Variants in ARHGEF33 observed in about 807,000 individuals in gnomAD.
ARHGEF33 encodes DH and coiled-coil domain-containing protein ENSP00000381780.
ARHGEF33 carries 72 observed loss-of-function variants against 101.9 expected under a neutral mutation model. The observed-to-expected ratio is 0.71, with a 90% CI of 0.58 to 0.86. The LOEUF is 0.86. ARHGEF33 is among the 40% of genes least tolerant of loss of function. ARHGEF33 has a pLI of 0.00. For missense variants in ARHGEF33, 1,169 were observed against 1,111.3 expected, an observed-to-expected ratio of 1.05 and a Z score of -0.74; for synonymous variants, 499 against 442.5, an observed-to-expected ratio of 1.13 and a Z score of -1.60.
In ARHGEF33 at chr2:38,960,255, C is replaced by G; in HGVS notation, c.1950C>G (p.Ser650=). 6.5e-7 allele frequency: 1 copy of G among 1,548,138 alleles called. No individual in the cohort carries two copies. The highest frequency in any genetic ancestry group is 8.7e-7 in the Non-Finnish European group (1 of 1,146,210). ...ACTGCTCGCCTGCCTCCTCCGAGTC[C>G]AGCCTGGACATCTGCTTCCTGCGGC... is the stretch of plus-strand genomic sequence containing the variant. ...FENCSPASSE[S]SLDICFLRPV... is the part of the protein sequence containing the mutation. Residue 650 remains serine, a synonymous_variant, in exon 16 of 18, where the codon TCC becomes TCG. Transcript: ENST00000409978.
chr2:38,937,131 A>T, intron 8 of ARHGEF33: 1 of 484,126 alleles, frequency 2.1e-6, no homozygotes, highest in South Asian at 2.3e-5. Flanking sequence ...AGTAGCTGGG[A>T]CTACAGGTGC....
intron 9 of ARHGEF33, among the ~76,000 whole-genome samples, chr2:38,938,371 C>T (rs922247766): frequency 1.3e-5 from 2 of 151,922 alleles, no homozygotes; most frequent in Non-Finnish European, 2.9e-5. Context: ...CCTGTCTCTA[C>T]AAAAAATAAA....
At position 38,907,861 on chromosome 2, in the gene ARHGEF33, T is replaced by TA. The variant is rs200865706; in HGVS notation, c.-85-11502_-85-11501insA. ...CTCTTGCACAGTGTCTCTGGGAGGATTTTTTTTTTTTTTTTTAGACAATGT... is the reference window on the plus strand; with the variant it reads ...CTCTTGCACAGTGTCTCTGGGAGGATATTTTTTTTTTTTTTTTAGACAATGT... On this transcript the variant is annotated intron_variant, in intron 2 of 17. Transcript: ENST00000409978. 3.6e-3 allele frequency among the ~76,000 whole-genome samples: 489 copies of TA among 134,894 alleles called. 14 individuals are homozygous for TA. In the East Asian group the frequency reaches 0.067, roughly 19 times the overall value. 88.5% of individuals were successfully genotyped at this position (134,894 alleles called of 152,430 possible).
intron 13 of ARHGEF33, among the ~76,000 whole-genome samples, chr2:38,956,090 A>T (rs541533027): frequency 6.6e-6 from 1 of 152,344 alleles, no homozygotes; most frequent in South Asian, 2.1e-4. Flanking sequence ...GTTTTACAAG[A>T]GAAAATGCAG....
At chr2:38,934,259 C>T (rs542342143) in intron 7 of ARHGEF33, among the ~76,000 whole-genome samples, 1 of 152,288 alleles carries the variant, frequency 6.6e-6, no homozygotes, top group East Asian at 1.9e-4. Flanking sequence ...TCTGGATGCT[C>T]CTTCTTAGAT....
intron 17 of ARHGEF33, among the ~76,000 whole-genome samples, chr2:38,970,565 A>G (rs567626029): frequency 1.3e-5 from 2 of 152,356 alleles, no homozygotes; most frequent in Non-Finnish European, 2.9e-5. Context: ...AACCTTAATT[A>G]CAAATGTTTC....
chr2:38,897,994 G>A (rs766773115), intron 2 of ARHGEF33, among the ~76,000 whole-genome samples: 1 of 152,292 alleles, frequency 6.6e-6, no homozygotes. Flanking sequence ...AGAGCACAAA[G>A]GGGTTGGTCC....
At chr2:38,922,659 A>G (rs748622159) in intron 4 of ARHGEF33, among the ~76,000 whole-genome samples, 1 of 152,220 alleles carries the variant, frequency 6.6e-6, no homozygotes, top group Non-Finnish European at 1.5e-5. Context: ...CAGATTAAAC[A>G]GATGAAACAG....
At chr2:38,943,780 A>C in intron 9 of ARHGEF33, 121 bp from the exon 10 acceptor site, 2 of 1,048,064 alleles carry the variant, frequency 1.9e-6, no homozygotes, top group Non-Finnish European at 2.7e-6. Flanking sequence ...CCTTTCAAAA[A>C]CTTGCAGATG....
rs1417517928 is a variant in ARHGEF33 at position 38,937,332 on chromosome 2, C to G, written c.566-3C>G. 3.2e-6 allele frequency: 2 copies of G among 628,792 alleles called. No homozygotes were observed. The highest frequency in any genetic ancestry group is 4.1e-5 in the African/African-American group (2 of 48,218). The allele number at this position is 628,792 out of a possible 1,614,324, so 39.0% of individuals were successfully genotyped here. A position where few individuals can be genotyped will look rare whatever the true frequency, so the allele number is the denominator to read the frequency against. ...TTCCCCGCCCCTCCCCCCACCCCACCAGGAGTGAACCCAACAACTCCAGAA... is the reference window on the plus strand; with the variant it reads ...TTCCCCGCCCCTCCCCCCACCCCACGAGGAGTGAACCCAACAACTCCAGAA... On this transcript the variant is annotated splice_region_variant and splice_polypyrimidine_tract_variant and intron_variant, in intron 8 of 17. Coordinates refer to ENST00000409978, the MANE Select transcript of ARHGEF33 (RefSeq NM_001145451.5).
At chr2:38,916,586 A>C (rs1231696067) in intron 2 of ARHGEF33, among the ~76,000 whole-genome samples, 1 of 152,218 alleles carries the variant, frequency 6.6e-6, no homozygotes, top group Non-Finnish European at 1.5e-5. Flanking sequence ...TCATGCTTAC[A>C]TGAAAAATGT....
chr2:38,975,349 TATG>T lies in ARHGEF33; in HGVS notation c.*1507_*1509del, dbSNP rs1668253540. The T allele has an allele frequency of 6.6e-6, 1 of 152,222 alleles. No individual in the cohort carries two copies. The highest frequency in any genetic ancestry group is 1.5e-5 in the Non-Finnish European group (1 of 68,030). 9.4% of individuals were successfully genotyped at this position (152,222 alleles called of 1,614,324 possible). On this transcript the variant is annotated 3_prime_UTR_variant, in exon 18 of 18. Transcript: ENST00000409978. Reference sequence around the variant, plus strand: ...ATTTGAAATTAGATTTTTCTCTTATTATGTGGCCGGCAGTGCTTGCAAGCACAA... The same window carrying T: ...ATTTGAAATTAGATTTTTCTCTTATTTGGCCGGCAGTGCTTGCAAGCACAA...
intron 13 of ARHGEF33, 113 bp downstream of exon 13, chr2:38,954,569 A>C: frequency 2.9e-6 from 2 of 700,384 alleles, no homozygotes. Flanking sequence ...ATTTCTAAGA[A>C]GTGTTTATTT....
In ARHGEF33 at chr2:38,953,046, T is replaced by C. The variant is rs1041596531; in HGVS notation, c.1054-116T>C. ...CAAAATATATAAAATGAAGAACATA[T>C]TAAATGAATAAGATAATCTCTGCAA... On this transcript the variant is annotated intron_variant, in intron 11 of 17. Coordinates refer to ENST00000409978, the MANE Select transcript of ARHGEF33 (RefSeq NM_001145451.5). 4 of 629,648 alleles carry C rather than the reference T, an allele frequency of 6.4e-6. No individual in the cohort carries two copies. The African/African-American group carries it at 7.4e-5, about 12-fold the overall frequency. 39.0% of individuals were successfully genotyped at this position (629,648 alleles called of 1,614,324 possible).
chr2:38,960,680 T>C, intron 16 of ARHGEF33, 32 bp downstream of exon 16: 4 of 1,348,796 alleles, frequency 3.0e-6, no homozygotes, highest in Non-Finnish European at 3.9e-6. Context: ...ACCCACAGCG[T>C]CGACGGCCCC....
intron 9 of ARHGEF33, among the ~76,000 whole-genome samples, chr2:38,938,257 C>T (rs1667205677): frequency 6.6e-6 from 1 of 152,084 alleles, no homozygotes; most frequent in Non-Finnish European, 1.5e-5. Flanking sequence ...GATGTTTAGC[C>T]AGGCATGGTG....
At chr2:38,954,244 C>T in intron 12 of ARHGEF33, 129 bp from the exon 13 acceptor site, 1 of 648,232 alleles carries the variant, frequency 1.5e-6, no homozygotes, top group Non-Finnish European at 2.8e-6. Flanking sequence ...GACAGCAATG[C>T]TCTATGACAA....
At chr2:38,932,830 A>T (rs1667038321) in intron 7 of ARHGEF33, among the ~76,000 whole-genome samples, 1 of 152,236 alleles carries the variant, frequency 6.6e-6, no homozygotes, top group African/African-American at 2.4e-5. Context: ...ATGGATTTCA[A>T]TGAACTATTT....
At position 38,929,737 on chromosome 2, in the gene ARHGEF33, T is replaced by C. The variant is rs747215098; in HGVS notation, c.269T>C (p.Ile90Thr). The change falls in exon 6 of 18, where the codon ATC (isoleucine) becomes ACC (threonine). Residue 90 changes from isoleucine to threonine, a missense_variant. Physicochemically the swap from Ile to Thr is moderately conservative, Grantham distance 89. Transcript: ENST00000409978. Reference protein sequence around the residue: ...KEELSNAMSMIQAITSKQEEM... With the variant: ...KEELSNAMSMTQAITSKQEEM... Reference sequence around the variant, plus strand: ...GAGCTGAGCAATGCCATGTCGATGATCCAAGCCATCACTTCCAAACAAGAA... The same window carrying C: ...GAGCTGAGCAATGCCATGTCGATGACCCAAGCCATCACTTCCAAACAAGAA... The C allele has an allele frequency of 2.6e-6, 4 of 1,551,870 alleles. No homozygotes were observed.
Sources: gnomAD v4.1 joint callset for allele counts (sites outside exome capture counted in the v4.1 genomes callset) on GRCh38, gnomAD v4.1.1 for gene constraint, MANE v1.5 for transcripts, NCBI Gene and HGNC (gene_info 2026-07-23, HGNC 2026-07-21) for gene names.